Variants in PDK1 observed in about 807,000 individuals in gnomAD.
PDK1 encodes the protein pyruvate dehydrogenase kinase 1, also known as [Pyruvate dehydrogenase (acetyl-transferring)] kinase isozyme 1, mitochondrial.
PDK1 carries 39 observed loss-of-function variants against 54.2 expected under a neutral mutation model. That is an observed-to-expected ratio of 0.72 (90% CI 0.56 to 0.94). The LOEUF is 0.94. PDK1 is among the 40% of genes least tolerant of loss of function. The probability of loss-of-function intolerance (pLI) is 0.00; values close to 1 mark genes in which losing one functional copy is unlikely to be tolerated. For synonymous variants in PDK1, 221 were observed against 207.1 expected (o/e 1.07, Z -0.58); for missense variants, 552 against 566.0 (o/e 0.98, Z 0.25).
At position 172,601,923 on chromosome 2, in the gene PDK1, G is replaced by A. The variant is rs190788320; in HGVS notation, c.*5954G>A. 4 of 152,124 alleles carry A rather than the reference G, an allele frequency of 2.6e-5. No homozygotes were observed. The highest frequency in any genetic ancestry group is 1.3e-4 in the Admixed American group (2 of 15,270). The allele number at this position is 152,124 out of a possible 1,614,324, so 9.4% of individuals were successfully genotyped here. A position where few individuals can be genotyped will look rare whatever the true frequency, so the allele number is the denominator to read the frequency against. ...CCATTAACTTTATGATAAAAATTTT[G>A]TAAGTGGAGAAGAAATGGATATATT... On this transcript the variant is annotated 3_prime_UTR_variant, in exon 11 of 11. Coordinates refer to ENST00000282077, the MANE Select transcript of PDK1 (RefSeq NM_002610.5).
In PDK1 at chr2:172,603,669, G is replaced by A. The variant is rs569636282; in HGVS notation, c.*7700G>A. 2.6e-5 allele frequency: 4 copies of A among 152,322 alleles called. No homozygotes were observed. The highest frequency in any genetic ancestry group is 2.1e-4 in the South Asian group (1 of 4,826). The allele number at this position is 152,322 out of a possible 1,614,324, so 9.4% of individuals were successfully genotyped here. ...AGGACTTAGTGTGGCCCCTTAAAGA[G>A]CAAGGTCCAAGTGATTTTCTCTGGT... On this transcript the variant is annotated 3_prime_UTR_variant, in exon 11 of 11. Transcript: ENST00000282077.
Position 172,556,279 on chromosome 2 carries a change from G to A in PDK1, c.129G>A (p.Pro43=), listed in dbSNP as rs781767845. Residue 43 remains proline (P), a synonymous_variant, in exon 1 of 11, where the codon CCG becomes CCA. Coordinates refer to ENST00000282077, the MANE Select transcript of PDK1 (RefSeq NM_002610.5). ...GSSPASERGV[P]GQVDFYARFS... is the part of the protein sequence containing the mutation. The stretch of plus-strand genomic sequence containing the variant: ...GCCCGGCGTCCGAGCGCGGCGTTCC[G>A]GGCCAGGTGGACTTCTACGCGCGCT... 7 of 1,503,840 alleles carry A rather than the reference G, an allele frequency of 4.7e-6. No homozygotes were observed. In the African/African-American group the frequency reaches 8.7e-5, roughly 19 times the overall value. 93.2% of individuals were successfully genotyped at this position (1,503,840 alleles called of 1,614,324 possible).
intron 7 of PDK1, among the ~76,000 whole-genome samples, chr2:172,569,296 C>G (rs1433024194): frequency 6.6e-6 from 1 of 152,050 alleles, no homozygotes; most frequent in Non-Finnish European, 1.5e-5. Context: ...TTTTTTTGGT[C>G]TGGCTTTTCT....
rs756942072 is a variant in PDK1 at position 172,566,909 on chromosome 2, G to C, written c.745G>C (p.Glu249Gln). 1.9e-6 allele frequency: 3 copies of C among 1,608,440 alleles called. No individual in the cohort carries two copies. In the Admixed American group the frequency reaches 5.0e-5, roughly 27 times the overall value. The change falls in exon 6 of 11, where the codon GAA becomes CAA. Residue 249 changes from glutamate to glutamine, a missense_variant. By Grantham distance (29) the Glu-to-Gln change is conservative. Transcript: ENST00000282077. ...TGATTTGTATTATATTAACTCTCCC[G>C]AACTAGAACTTGAAGAACTAAATGG... ...LCDLYYINSP[E>Q]LELEELNAKS...
chr2:172,667,542 G>A, the PDK1 span, among the ~76,000 whole-genome samples: 11 of 152,180 alleles, frequency 7.2e-5, no homozygotes, highest in Admixed American at 3.9e-4. Context: ...CCCTGGGAAG[G>A]ACAAATCCTC....
the PDK1 span, among the ~76,000 whole-genome samples, chr2:172,621,686 A>G: frequency 1.4e-5 from 2 of 147,564 alleles, no homozygotes; most frequent in South Asian, 2.1e-4. Context: ...TTATGTTTAT[A>G]TATCATATAT....
At chr2:172,556,079 C>T (rs946707953), upstream of PDK1, 4 of 1,157,122 alleles carry the variant, frequency 3.5e-6, no homozygotes, top group Middle Eastern at 3.1e-4. Context: ...CCGCCACGTC[C>T]CTCACGTACC....
At chr2:172,685,035 C>T in the PDK1 span, among the ~76,000 whole-genome samples, 1 of 152,214 alleles carries the variant, frequency 6.6e-6, no homozygotes, top group Admixed American at 6.5e-5. Context: ...TCCCTCACTT[C>T]TCTCTCTCCT....
At chr2:172,686,364 G>A in the PDK1 span, among the ~76,000 whole-genome samples, 7 of 151,928 alleles carry the variant, frequency 4.6e-5, no homozygotes, top group African/African-American at 1.2e-4. Flanking sequence ...ACCAATCGGC[G>A]CTTTGTAACT....
chr2:172,647,269 A>G, the PDK1 span, among the ~76,000 whole-genome samples: 1 of 152,144 alleles, frequency 6.6e-6, no homozygotes, highest in Admixed American at 6.6e-5. Flanking sequence ...GAGGGGGCGC[A>G]GGGAATATGA....
chr2:172,584,499 T>G (rs1690098421), intron 8 of PDK1, among the ~76,000 whole-genome samples: 2 of 151,994 alleles, frequency 1.3e-5, no homozygotes, highest in Admixed American at 6.6e-5. Flanking sequence ...TTTCTTTTAC[T>G]TAACTAATCC....
chr2:172,588,720 C>T (rs1395357099), intron 9 of PDK1, among the ~76,000 whole-genome samples: 1 of 152,124 alleles, frequency 6.6e-6, no homozygotes. Flanking sequence ...CAGCTGATGC[C>T]CACAGGAGTG....
chr2:172,633,013 T>G, the PDK1 span, among the ~76,000 whole-genome samples: 4 of 141,590 alleles, frequency 2.8e-5, no homozygotes, highest in African/African-American at 1.1e-4. Context: ...ATGGTTTTGA[T>G]TCAAAGAAAT....
At chr2:172,644,552 G>A in the PDK1 span, among the ~76,000 whole-genome samples, 1 of 152,234 alleles carries the variant, frequency 6.6e-6, no homozygotes, top group Non-Finnish European at 1.5e-5. Flanking sequence ...ATAAATGAGA[G>A]TTGTGATTAC....
chr2:172,588,596 A>G (rs925824936), intron 9 of PDK1, among the ~76,000 whole-genome samples: 1 of 152,238 alleles, frequency 6.6e-6, no homozygotes, highest in Non-Finnish European at 1.5e-5. Context: ...CCATACATCT[A>G]CATGCCCTTA....
the PDK1 span, among the ~76,000 whole-genome samples, chr2:172,683,586 C>T: frequency 1.3e-5 from 2 of 152,142 alleles, no homozygotes; most frequent in Non-Finnish European, 2.9e-5. Flanking sequence ...TGAATAGATA[C>T]ATGGATATAT....
chr2:172,670,735 G>A, the PDK1 span, among the ~76,000 whole-genome samples: 1 of 152,122 alleles, frequency 6.6e-6, no homozygotes, highest in Non-Finnish European at 1.5e-5. Flanking sequence ...GGTTATAAAA[G>A]TATTTGTATG....
intron 1 of PDK1, among the ~76,000 whole-genome samples, chr2:172,557,546 C>G (rs1688404155): frequency 6.6e-6 from 1 of 151,970 alleles, no homozygotes; most frequent in Admixed American, 6.6e-5. Context: ...GAAGATGGTG[C>G]AAACAGGCAG....
At position 172,566,871 on chromosome 2, in the gene PDK1, C is replaced by G. The variant is rs773507144; in HGVS notation, c.707C>G (p.Ala236Gly). ...TTCACACTAGATGGCTATGAAAATGCTAGGCGTCTGTGTGATTTGTATTAT... is the reference window on the plus strand; with the variant it reads ...TTCACACTAGATGGCTATGAAAATGGTAGGCGTCTGTGTGATTTGTATTAT... ...LEVIKDGYEN[A>G]RRLCDLYYIN... Residue 236 changes from alanine to glycine, a missense_variant, in exon 6 of 11, where the codon GCT (alanine) becomes GGT (glycine). Physicochemically the swap from Ala to Gly is moderately conservative, Grantham distance 60. Coordinates refer to ENST00000282077, the MANE Select transcript of PDK1 (RefSeq NM_002610.5). 1.2e-6 allele frequency: 2 copies of G among 1,609,060 alleles called. No individual in the cohort carries two copies. The highest frequency in any genetic ancestry group is 2.2e-5 in the South Asian group (2 of 90,788).
Sources: gnomAD v4.1 joint callset for allele counts (sites outside exome capture counted in the v4.1 genomes callset) on GRCh38, gnomAD v4.1.1 for gene constraint, MANE v1.5 for transcripts, NCBI Gene and HGNC (gene_info 2026-07-23, HGNC 2026-07-21) for gene names.